Variants in PDGFD observed in about 807,000 individuals in gnomAD.
PDGFD encodes the protein platelet-derived growth factor D.
PDGFD carries 30 observed loss-of-function variants against 44.7 expected under a neutral mutation model. The observed-to-expected ratio is 0.67, with a 90% CI of 0.50 to 0.91. The LOEUF (loss-of-function observed/expected upper bound fraction) is 0.91. Ranked by LOEUF, PDGFD falls within the 40% of genes least tolerant of loss-of-function variation. PDGFD has a pLI of 0.00. For synonymous variants in PDGFD, 173 were observed against 168.4 expected (o/e 1.03, Z -0.21); for missense variants, 445 against 457.8 (o/e 0.97, Z 0.25).
intron 1 of PDGFD, among the ~76,000 whole-genome samples, chr11:104,045,220 A>G (rs966103755): frequency 6.6e-6 from 1 of 152,192 alleles, no homozygotes. Flanking sequence ...ATCAATGATC[A>G]GTATATGTCT....
intron 1 of PDGFD, among the ~76,000 whole-genome samples, chr11:104,043,777 T>C (rs1860396819): frequency 6.6e-6 from 1 of 151,892 alleles, no homozygotes; most frequent in South Asian, 2.1e-4. Context: ...GGGGAGGTCA[T>C]AGATTCTTTT....
At chr11:103,932,898 G>C (rs555162807) in intron 5 of PDGFD, among the ~76,000 whole-genome samples, 6 of 152,246 alleles carry the variant, frequency 3.9e-5, no homozygotes, top group African/African-American at 1.4e-4. Context: ...ACTAGTCTAG[G>C]ATGTGGTGTA....
intron 1 of PDGFD, among the ~76,000 whole-genome samples, chr11:104,061,220 C>T (rs1484874330): frequency 8.0e-6 from 1 of 124,982 alleles, no homozygotes; most frequent in African/African-American, 3.1e-5. Flanking sequence ...ATCTTTATGA[C>T]ACTAAGTAAG....
At chr11:104,012,635 C>T (rs759625106) in intron 1 of PDGFD, among the ~76,000 whole-genome samples, 3 of 152,152 alleles carry the variant, frequency 2.0e-5, no homozygotes, top group African/African-American at 4.8e-5. Flanking sequence ...TCTTCCCTAA[C>T]GTGACTCCAG....
chr11:103,932,604 A>G (rs1031747838), intron 5 of PDGFD, among the ~76,000 whole-genome samples: 2 of 152,168 alleles, frequency 1.3e-5, no homozygotes, highest in African/African-American at 4.8e-5. Flanking sequence ...CTTTGTCCCT[A>G]ATGTAAGGAC....
At chr11:103,982,923 C>T (rs1444193217) in intron 3 of PDGFD, among the ~76,000 whole-genome samples, 2 of 151,690 alleles carry the variant, frequency 1.3e-5, no homozygotes, top group African/African-American at 4.9e-5. Context: ...AGAGATGACA[C>T]AAACAAATGG....
intron 1 of PDGFD, among the ~76,000 whole-genome samples, chr11:104,150,076 C>A (rs769212846): frequency 2.6e-5 from 4 of 152,092 alleles, no homozygotes; most frequent in Non-Finnish European, 5.9e-5. Context: ...ACTTTGACCT[C>A]AGAACCTTGT....
At chr11:103,919,296 T>G (rs1858172675) in intron 6 of PDGFD, among the ~76,000 whole-genome samples, 1 of 152,156 alleles carries the variant, frequency 6.6e-6, no homozygotes, top group Non-Finnish European at 1.5e-5. Flanking sequence ...GAATAAATCT[T>G]CACCATAAAG....
At chr11:104,037,029 C>T (rs1053008846) in intron 1 of PDGFD, 23 of 1,614,176 alleles carry the variant, frequency 1.4e-5, no homozygotes, top group Non-Finnish European at 1.9e-5. Context: ...TCAAAGATGG[C>T]GATATCGTGG....
chr11:104,082,107 T>C (rs1055838524), intron 1 of PDGFD, among the ~76,000 whole-genome samples: 6 of 135,936 alleles, frequency 4.4e-5, no homozygotes, highest in African/African-American at 1.8e-4. Context: ...AAGTTTACTA[T>C]ATTTTTGTTG....
chr11:103,989,255 T>C (rs1859415698), intron 3 of PDGFD, among the ~76,000 whole-genome samples: 1 of 152,184 alleles, frequency 6.6e-6, no homozygotes, highest in Non-Finnish European at 1.5e-5. Flanking sequence ...CTGTAATTGG[T>C]GAAATTTTAG....
At chr11:104,037,974 T>C (rs767766733) in intron 1 of PDGFD, 62 of 1,613,942 alleles carry the variant, frequency 3.8e-5, no homozygotes, top group Non-Finnish European at 5.2e-5. Context: ...ACAAGGAAAT[T>C]ACACATTCAG....
At chr11:103,934,400 G>A (rs957017963) in intron 5 of PDGFD, among the ~76,000 whole-genome samples, 1 of 152,168 alleles carries the variant, frequency 6.6e-6, no homozygotes, top group Non-Finnish European at 1.5e-5. Context: ...AGAAGGCCAT[G>A]CCCACCTTGA....
rs1206463256 is a variant in PDGFD, at chr11:103,933,256, C to G, written c.773-6130G>C. Among the ~76,000 whole-genome samples, 3 of 152,118 alleles carry G rather than the reference C, an allele frequency of 2.0e-5. No homozygotes were observed. In the East Asian group the frequency reaches 5.8e-4, roughly 29 times the overall value. ...TTGTTAAACAACCAGGGGCTCTCAG[C>G]CTTTCTCAAGGTTCATAAGTTCACC... On this transcript the variant is annotated intron_variant, in intron 5 of 6. Coordinates refer to ENST00000393158, the MANE Select transcript of PDGFD (RefSeq NM_025208.5).
At chr11:104,127,966 G>A (rs17101981) in intron 1 of PDGFD, among the ~76,000 whole-genome samples, 2,415 of 152,158 alleles carry the variant, frequency 0.016, 57 homozygotes, top group African/African-American at 0.055. Context: ...AAATACTGAG[G>A]AGAAAGTGAT....
intron 1 of PDGFD, among the ~76,000 whole-genome samples, chr11:104,084,584 A>T (rs361274): frequency 6.7e-6 from 1 of 148,886 alleles, no homozygotes; most frequent in African/African-American, 2.4e-5. Context: ...ATCTTTACAC[A>T]CTCTTTTTTT....
intron 4 of PDGFD, 21 bp from the exon 5 acceptor site, chr11:103,943,671 A>C: frequency 6.3e-7 from 1 of 1,593,364 alleles, no homozygotes; most frequent in Non-Finnish European, 8.6e-7. Context: ...CATACAGCTC[A>C]GTGTACTCAG....
At chr11:103,931,117 T>A (rs1336588592) in intron 5 of PDGFD, among the ~76,000 whole-genome samples, 1 of 152,152 alleles carries the variant, frequency 6.6e-6, no homozygotes, top group Non-Finnish European at 1.5e-5. Flanking sequence ...TTCACATACT[T>A]GGCAAGCACA....
At chr11:103,985,270 T>C (rs868564225) in intron 3 of PDGFD, among the ~76,000 whole-genome samples, 3 of 150,414 alleles carry the variant, frequency 2.0e-5, no homozygotes, top group Non-Finnish European at 4.4e-5. Context: ...GGTGAAATCA[T>C]AGCTCATTGT....
Sources: gnomAD v4.1 joint callset for allele counts (sites outside exome capture counted in the v4.1 genomes callset) on GRCh38, gnomAD v4.1.1 for gene constraint, MANE v1.5 for transcripts, NCBI Gene and HGNC (gene_info 2026-07-23, HGNC 2026-07-21) for gene names.